The following STIM1 variants were observed in gnomAD, a reference collection of about 807,000 sequenced individuals.
STIM1 encodes the protein stromal interaction molecule 1.
A neutral mutation model predicts 74.7 loss-of-function variants in STIM1; 25 were observed. The ratio of observed to expected loss-of-function variants is 0.33; its 90% CI spans 0.24 to 0.47. The LOEUF (loss-of-function observed/expected upper bound fraction) is 0.47. Ranked by LOEUF, STIM1 falls within the 20% of genes least tolerant of loss-of-function variation. The pLI is 1.00. For synonymous variants in STIM1, 328 were observed against 348.8 expected (o/e 0.94, Z 0.66); for missense variants, 728 against 920.8 (o/e 0.79, Z 2.71).
chr11:4,070,288 C>T, intron 6 of STIM1, 85 bp downstream of exon 6: 1 of 1,511,386 alleles, frequency 6.6e-7, no homozygotes, highest in Non-Finnish European at 9.1e-7. Context: ...CCACTTGGCC[C>T]CTGAGACCTT....
intron 2 of STIM1, among the ~76,000 whole-genome samples, chr11:4,002,915 T>A (rs7396993): frequency 1.6e-5 from 2 of 122,740 alleles, no homozygotes; most frequent in African/African-American, 2.8e-5. Flanking sequence ...TATCACCACC[T>A]ATCCCACAGA....
At chr11:3,944,404 A>T (rs886817516) in intron 1 of STIM1, among the ~76,000 whole-genome samples, 1 of 152,166 alleles carries the variant, frequency 6.6e-6, no homozygotes, top group African/African-American at 2.4e-5. Flanking sequence ...CTCTGGAGGC[A>T]CCAAGGGAGG....
At chr11:4,076,480 C>A (rs2094437549) in intron 7 of STIM1, among the ~76,000 whole-genome samples, 1 of 74,244 alleles carries the variant, frequency 1.3e-5, no homozygotes. Flanking sequence ...AGTGAGACTC[C>A]ATCTCAAAAA....
chr11:3,928,629 A>G (rs1413414450), intron 1 of STIM1, among the ~76,000 whole-genome samples: 1 of 151,986 alleles, frequency 6.6e-6, no homozygotes, highest in Non-Finnish European at 1.5e-5. Context: ...ATGTGTATGC[A>G]TCTTATAGAG....
chr11:3,859,020 G>C (rs1438917188), intron 1 of STIM1, among the ~76,000 whole-genome samples: 8 of 152,252 alleles, frequency 5.3e-5, no homozygotes, highest in African/African-American at 1.7e-4. Context: ...TGACAATTAG[G>C]CAGGCCTTGG....
chr11:3,974,608 G>A (rs1382840567), intron 2 of STIM1, among the ~76,000 whole-genome samples: 1 of 151,528 alleles, frequency 6.6e-6, no homozygotes, highest in African/African-American at 2.4e-5. Flanking sequence ...ATAATCATTT[G>A]TGTAGGGGCA....
chr11:4,003,804 G>T (rs2093747279), intron 2 of STIM1, among the ~76,000 whole-genome samples: 1 of 152,182 alleles, frequency 6.6e-6, no homozygotes, highest in Admixed American at 6.6e-5. Context: ...AATTGTCCCT[G>T]TTTGCAGATG....
chr11:4,036,838 T>C (rs992904724), intron 3 of STIM1, among the ~76,000 whole-genome samples: 1 of 152,104 alleles, frequency 6.6e-6, no homozygotes, highest in Non-Finnish European at 1.5e-5. Flanking sequence ...AGTTTCATGA[T>C]GAAAATGCCA....
chr11:3,886,414 C>T (rs182439704), intron 1 of STIM1, among the ~76,000 whole-genome samples: 10 of 151,986 alleles, frequency 6.6e-5, no homozygotes, highest in African/African-American at 2.2e-4. Context: ...CTTGGCTGGG[C>T]GCGGTGGCTC....
intron 1 of STIM1, among the ~76,000 whole-genome samples, chr11:3,901,663 A>G (rs903899213): frequency 5.3e-5 from 8 of 152,174 alleles, no homozygotes; most frequent in African/African-American, 1.9e-4. Flanking sequence ...GTAGAAAGGT[A>G]TAGATCTTGG....
Position 4,035,268 on chromosome 11 carries a change from T to G in STIM1, c.385+11281T>G, listed in dbSNP as rs542099567. Among the ~76,000 whole-genome samples the G allele has an allele frequency of 2.0e-3, 301 of 146,882 alleles. 2 individuals are homozygous for G. The highest frequency in any genetic ancestry group is 3.6e-3 in the Non-Finnish European group (245 of 67,210). On this transcript the variant is annotated intron_variant, in intron 3 of 12. Coordinates refer to ENST00000526596, the MANE Select transcript of STIM1 (RefSeq NM_001382567.1). ...TGTCCCAAATTCTGGTGTATTGTGT[T>G]TTTTTTTTTTTTTCCTCTTTTCCAA...
intron 1 of STIM1, among the ~76,000 whole-genome samples, chr11:3,887,362 G>T (rs1340228072): frequency 6.6e-6 from 1 of 152,188 alleles, no homozygotes; most frequent in African/African-American, 2.4e-5. Context: ...GGAAACATGG[G>T]CATTATGAAA....
At chr11:3,974,234 CATG>C in intron 2 of STIM1, 1 of 402,670 alleles carries the variant, frequency 2.5e-6, no homozygotes, top group African/African-American at 2.0e-5. Context: ...CTGTCTTAGA[CATG>C]ATAGCAGTGG....
At position 3,895,655 on chromosome 11, in the gene STIM1, TTTC is replaced by T. The variant is rs2092059978; in HGVS notation, c.139+39249_139+39251del. Among the ~76,000 whole-genome samples the T allele has an allele frequency of 2.2e-3, 31 of 14,092 alleles. 2 individuals carry two copies. In the South Asian group the frequency reaches 0.11, roughly 50 times the overall value. 9.2% of individuals were successfully genotyped at this position (14,092 alleles called of 152,430 possible). A position where few individuals can be genotyped will look rare whatever the true frequency, so the allele number is the denominator to read the frequency against. ...CTTTCTTTCTTTCTTTCTTTCTTTC[TTTC>T]TTTCTTTCTTTCTTTCCTTCCTTCC... On this transcript the variant is annotated intron_variant, in intron 1 of 12. Transcript: ENST00000526596.
At chr11:4,000,741 A>T (rs2093707796) in intron 2 of STIM1, among the ~76,000 whole-genome samples, 1 of 152,274 alleles carries the variant, frequency 6.6e-6, no homozygotes, top group African/African-American at 2.4e-5. Flanking sequence ...ACGGAGAATG[A>T]CTTTGATGAG....
intron 1 of STIM1, among the ~76,000 whole-genome samples, chr11:3,876,983 T>C (rs888774228): frequency 6.6e-6 from 1 of 152,162 alleles, no homozygotes; most frequent in African/African-American, 2.4e-5. Context: ...CTTTACTGAG[T>C]GCGTTGCTCA....
intron 3 of STIM1, among the ~76,000 whole-genome samples, chr11:4,050,201 T>C (rs968910805): frequency 6.6e-6 from 1 of 152,186 alleles, no homozygotes; most frequent in Non-Finnish European, 1.5e-5. Context: ...AGATGGAATG[T>C]ATTGATTGGT....
Position 3,887,113 on chromosome 11 carries a change from A to G in STIM1, c.139+30704A>G, listed in dbSNP as rs564135175. Among the ~76,000 whole-genome samples the G allele has an allele frequency of 1.8e-4, 27 of 152,230 alleles. 1 individual carries two copies. Among genetic ancestry groups the G allele is most frequent in the African/African-American group, 6.5e-4 (27 of 41,550 alleles). On this transcript the variant is annotated intron_variant, in intron 1 of 12. Coordinates refer to ENST00000526596, the MANE Select transcript of STIM1 (RefSeq NM_001382567.1). ...AAGGGTCCAGGGACTAGTATTGTAC[A>G]CAGTCAGAGGAGGTAGAGGGCTGTG... is the stretch of plus-strand genomic sequence containing the variant.
At chr11:4,004,649 G>A (rs1335049399) in intron 2 of STIM1, among the ~76,000 whole-genome samples, 6 of 150,758 alleles carry the variant, frequency 4.0e-5, no homozygotes, top group African/African-American at 1.2e-4. Context: ...GAAAACCTAG[G>A]CATTACCATT....
Sources: allele counts gnomAD v4.1 joint callset (sites outside exome capture counted in the v4.1 genomes callset), GRCh38; gene constraint gnomAD v4.1.1; transcripts MANE v1.5; gene names NCBI Gene and HGNC (gene_info 2026-07-23, HGNC 2026-07-21).